Variants in CRADD observed in about 807,000 individuals in gnomAD.
CRADD encodes CARD and death domain containing adaptor protein.
A neutral mutation model predicts 15.5 loss-of-function variants in CRADD; 9 were observed. That is an observed-to-expected ratio of 0.58 (90% CI 0.35 to 1.01). The LOEUF (loss-of-function observed/expected upper bound fraction) is 1.01. CRADD is among the 50% of genes least tolerant of loss of function. The probability of loss-of-function intolerance (pLI) is 0.02; values close to 1 mark genes in which losing one functional copy is unlikely to be tolerated. For synonymous variants in CRADD, 118 were observed against 107.6 expected (o/e 1.10, Z -0.60); for missense variants, 227 against 250.3 (o/e 0.91, Z 0.63).
chr12:93,690,231 G>C (rs1955535622), intron 2 of CRADD, among the ~76,000 whole-genome samples: 1 of 152,228 alleles, frequency 6.6e-6, no homozygotes, highest in South Asian at 2.1e-4. Context: ...AGAATCACCT[G>C]AAGTGGGGAA....
intron 2 of CRADD, among the ~76,000 whole-genome samples, chr12:93,726,560 C>G (rs552301241): frequency 6.6e-6 from 1 of 152,242 alleles, no homozygotes; most frequent in Admixed American, 6.5e-5. Context: ...TACTAGTACT[C>G]TACTTGGAGG....
intron 2 of CRADD, among the ~76,000 whole-genome samples, chr12:93,713,003 A>G (rs887861826): frequency 1.3e-5 from 2 of 152,152 alleles, no homozygotes; most frequent in Non-Finnish European, 2.9e-5. Context: ...CTGGGACCAT[A>G]GAGCTGCTCA....
chr12:93,747,746 G>T (rs1481626062), intron 2 of CRADD, among the ~76,000 whole-genome samples: 1 of 152,114 alleles, frequency 6.6e-6, no homozygotes, highest in Non-Finnish European at 1.5e-5. Flanking sequence ...GATTACAGGC[G>T]TGAGCCACCA....
intron 2 of CRADD, among the ~76,000 whole-genome samples, chr12:93,764,839 GA>G (rs1383652050): frequency 5.9e-5 from 9 of 151,528 alleles, no homozygotes; most frequent in Admixed American, 2.0e-4. Context: ...CTGTAAGGAG[GA>G]ATTATAGGAC....
At chr12:93,869,091 A>G (rs1005077473) in intron 2 of CRADD, among the ~76,000 whole-genome samples, 1 of 152,194 alleles carries the variant, frequency 6.6e-6, no homozygotes. Flanking sequence ...AATCTCACCA[A>G]ATTAGTGGGG....
intron 2 of CRADD, among the ~76,000 whole-genome samples, chr12:93,764,285 C>T (rs887372898): frequency 2.7e-4 from 40 of 149,940 alleles, no homozygotes; most frequent in African/African-American, 9.3e-4. Context: ...TGGAGGCTAT[C>T]GCACTAACCC....
At chr12:93,771,139 A>G (rs1432969449) in intron 2 of CRADD, among the ~76,000 whole-genome samples, 4 of 151,944 alleles carry the variant, frequency 2.6e-5, no homozygotes, top group Non-Finnish European at 5.9e-5. Flanking sequence ...GTTTTGTTTC[A>G]TTGTTGTAAA....
At chr12:93,868,129 A>G (rs1462413087) in intron 2 of CRADD, among the ~76,000 whole-genome samples, 1 of 152,210 alleles carries the variant, frequency 6.6e-6, no homozygotes, top group Non-Finnish European at 1.5e-5. Context: ...ATGTGGATTT[A>G]GTTTGACTCA....
At chr12:93,843,903 G>T (rs960020487) in intron 2 of CRADD, among the ~76,000 whole-genome samples, 2 of 151,828 alleles carry the variant, frequency 1.3e-5, no homozygotes, top group African/African-American at 4.8e-5. Flanking sequence ...TTGTATGTTA[G>T]TAGAGACGAG....
At chr12:93,705,397 G>A (rs971521051) in intron 2 of CRADD, among the ~76,000 whole-genome samples, 1 of 152,196 alleles carries the variant, frequency 6.6e-6, no homozygotes, top group East Asian at 1.9e-4. Flanking sequence ...CCTGAGGCAG[G>A]ACCATTTCAG....
chr12:93,800,132 G>C (rs1305194459), intron 2 of CRADD, among the ~76,000 whole-genome samples: 1 of 152,098 alleles, frequency 6.6e-6, no homozygotes, highest in Non-Finnish European at 1.5e-5. Context: ...CATAATTTTC[G>C]AGGCTGAGAA....
At chr12:93,779,786 AC>A (rs1957182958) in intron 2 of CRADD, among the ~76,000 whole-genome samples, 1 of 151,988 alleles carries the variant, frequency 6.6e-6, no homozygotes, top group Admixed American at 6.6e-5. Flanking sequence ...AGAGAGTTTC[AC>A]CATGTTGGCC....
At chr12:93,681,556 T>A (rs958740566) in intron 2 of CRADD, among the ~76,000 whole-genome samples, 11 of 152,204 alleles carry the variant, frequency 7.2e-5, no homozygotes. Flanking sequence ...TAAAAAAGAC[T>A]TGTATTTATT....
chr12:93,700,945 T>G (rs1955831812), intron 2 of CRADD, among the ~76,000 whole-genome samples: 1 of 152,158 alleles, frequency 6.6e-6, no homozygotes, highest in Non-Finnish European at 1.5e-5. Flanking sequence ...CTGAGCATCT[T>G]GCACCTCCTA....
intron 2 of CRADD, among the ~76,000 whole-genome samples, chr12:93,773,778 A>G (rs1957110502): frequency 7.0e-6 from 1 of 142,128 alleles, no homozygotes; most frequent in Admixed American, 7.1e-5. Flanking sequence ...CTCAGATTAC[A>G]TTGGCTAGAA....
chr12:93,891,780 C>T (rs7957728), intron 2 of CRADD, among the ~76,000 whole-genome samples: 1 of 151,920 alleles, frequency 6.6e-6, no homozygotes, highest in Non-Finnish European at 1.5e-5. Flanking sequence ...ACTTGAATGC[C>T]GGTCAGATTT....
At chr12:93,850,990 T>A (rs1411637031), downstream of CRADD, among the ~76,000 whole-genome samples, 1 of 152,186 alleles carries the variant, frequency 6.6e-6, no homozygotes, top group Non-Finnish European at 1.5e-5. The surrounding 1 kb of genome is among the most constrained non-coding windows in gnomAD (Gnocchi z 4.0). Context: ...CCCGAGCCCT[T>A]CATCTTTAAA....
At chr12:93,811,520 C>G (rs927755790) in intron 2 of CRADD, among the ~76,000 whole-genome samples, 5 of 152,220 alleles carry the variant, frequency 3.3e-5, no homozygotes, top group African/African-American at 1.2e-4. Context: ...GCAGGATGAT[C>G]ACCAGCTTTA....
At chr12:93,862,383 T>C (rs1019648315) in intron 2 of CRADD, among the ~76,000 whole-genome samples, 15 of 152,178 alleles carry the variant, frequency 9.9e-5, no homozygotes, top group Admixed American at 9.8e-4. Context: ...CTTGTATAGA[T>C]ACAGTTTCAC....
Sources: gnomAD v4.1 joint callset for allele counts (sites outside exome capture counted in the v4.1 genomes callset) on GRCh38, gnomAD v4.1.1 for gene constraint, Gnocchi (gnomAD v3.1) non-coding constraint, MANE v1.5 for transcripts, NCBI Gene and HGNC (gene_info 2026-07-23, HGNC 2026-07-21) for gene names.